The following NFIB variants were observed in gnomAD, a reference collection of about 807,000 sequenced individuals.
The protein encoded by NFIB is nuclear factor 1 B-type.
In NFIB, 11 loss-of-function variants were observed where a neutral mutation model predicts 61.5. The observed-to-expected ratio is 0.18, with a 90% CI of 0.11 to 0.30. The LOEUF (loss-of-function observed/expected upper bound fraction) is 0.30. Among genes scored for constraint, NFIB ranks in the 10% least tolerant of loss-of-function variants. The pLI is 1.00. For synonymous variants in NFIB, 260 were observed against 216.5 expected (o/e 1.20, Z -1.76); for missense variants, 471 against 608.9 (o/e 0.77, Z 2.38).
At chr9:14,494,760 C>T in the NFIB span, among the ~76,000 whole-genome samples, 3 of 152,292 alleles carry the variant, frequency 2.0e-5, no homozygotes, top group South Asian at 4.1e-4. Context: ...AGAACAGGCA[C>T]TCCCCTTGCT....
intron 2 of NFIB, among the ~76,000 whole-genome samples, chr9:14,240,712 G>A (rs746952018): frequency 2.0e-5 from 3 of 152,134 alleles, no homozygotes; most frequent in Non-Finnish European, 2.9e-5. Flanking sequence ...ACATGATACC[G>A]TCTGCGTTGT....
intron 1 of NFIB, among the ~76,000 whole-genome samples, chr9:14,351,140 G>A (rs1303248249): frequency 6.6e-6 from 1 of 152,218 alleles, no homozygotes; most frequent in Non-Finnish European, 1.5e-5. Flanking sequence ...TGCTAAGCAG[G>A]GAGAGGATCA....
At chr9:14,445,842 C>G in the NFIB span, among the ~76,000 whole-genome samples, 2 of 152,104 alleles carry the variant, frequency 1.3e-5, no homozygotes. Context: ...ACTTTTCATT[C>G]TCTTCTTTTC....
At chr9:14,492,982 C>T in the NFIB span, among the ~76,000 whole-genome samples, 2 of 152,176 alleles carry the variant, frequency 1.3e-5, no homozygotes, top group Non-Finnish European at 2.9e-5. Flanking sequence ...GAATAAGCCT[C>T]ACTGGGTTTT....
Position 14,088,139 on chromosome 9 carries a change from T to C in NFIB, c.*170A>G. On this transcript the variant is annotated 3_prime_UTR_variant, in exon 11 of 11. Coordinates refer to ENST00000380953, the MANE Select transcript of NFIB (RefSeq NM_001190737.2). Reference sequence around the variant, plus strand: ...GTTGTTTTGTCCAGTCTTCCTCTTTTCCTTTTTTTTTATTTAAAAAAAAAA... The same window carrying C: ...GTTGTTTTGTCCAGTCTTCCTCTTTCCCTTTTTTTTTATTTAAAAAAAAAA... 2 of 1,384,970 alleles carry C rather than the reference T, an allele frequency of 1.4e-6. No individual in the cohort carries two copies. The highest frequency in any genetic ancestry group is 1.9e-6 in the Non-Finnish European group (2 of 1,051,262). The allele number at this position is 1,384,970 out of a possible 1,614,324, so 85.8% of individuals were successfully genotyped here.
At chr9:14,403,968 T>TA (rs200481714), upstream of NFIB, among the ~76,000 whole-genome samples, 1,127 of 152,188 alleles carry the variant, frequency 7.4e-3, 11 homozygotes, top group African/African-American at 0.026. Context: ...TCTCTTTGGA[T>TA]AAAAAAAATT....
chr9:14,321,680 T>A (rs535800590), intron 1 of NFIB, among the ~76,000 whole-genome samples: 3 of 152,302 alleles, frequency 2.0e-5, no homozygotes, highest in African/African-American at 7.2e-5. Flanking sequence ...ACCACAATGT[T>A]ACTCACTGAT....
intron 2 of NFIB, among the ~76,000 whole-genome samples, chr9:14,196,445 G>A (rs1563889461): frequency 6.6e-6 from 1 of 152,060 alleles, no homozygotes; most frequent in Non-Finnish European, 1.5e-5. Context: ...TTGCGGAAGG[G>A]GGTTCCTGTT....
At chr9:14,270,579 C>CAAAAAAA (rs147823074) in intron 2 of NFIB, among the ~76,000 whole-genome samples, 5 of 54,404 alleles carry the variant, frequency 9.2e-5, no homozygotes, top group East Asian at 7.5e-4. Flanking sequence ...CCTTAGATCA[C>CAAAAAAA]AAAAAAAAAA....
the NFIB span, among the ~76,000 whole-genome samples, chr9:14,511,998 T>C: frequency 1.3e-5 from 2 of 152,204 alleles, no homozygotes; most frequent in Non-Finnish European, 2.9e-5. Context: ...TATTTAGGTA[T>C]AAAGAACAGA....
chr9:14,388,695 A>C (rs968413450), intron 1 of NFIB, among the ~76,000 whole-genome samples: 2 of 152,292 alleles, frequency 1.3e-5, no homozygotes, highest in African/African-American at 2.4e-5. Flanking sequence ...GAAACGGAGG[A>C]GAGGCAGTGG....
chr9:14,120,337 T>C lies in NFIB; in HGVS notation c.1245+103A>G. 7.9e-7 allele frequency: 1 copy of C among 1,269,660 alleles called. No individual in the cohort carries two copies. The highest frequency in any genetic ancestry group is 1.1e-6 in the Non-Finnish European group (1 of 876,834). The allele number at this position is 1,269,660 out of a possible 1,614,324, so 78.6% of individuals were successfully genotyped here. The stretch of plus-strand genomic sequence containing the variant: ...ACTTCCTGAAGATGGATTTCAAGGC[T>C]TGACGTTCTGCCAGACACACTGTCT... On this transcript the variant is annotated intron_variant, in intron 8 of 10. Coordinates refer to ENST00000380953, the MANE Select transcript of NFIB (RefSeq NM_001190737.2). The surrounding 1 kb of genome is among the most constrained non-coding windows in gnomAD (Gnocchi z 4.4).
rs903894665 is a variant in NFIB, at chr9:14,087,450, T to C, written c.*859A>G. On this transcript the variant is annotated 3_prime_UTR_variant, in exon 11 of 11. Coordinates refer to ENST00000380953, the MANE Select transcript of NFIB (RefSeq NM_001190737.2). ...AAATTGCACTTGCCTCTGTTAAGTG[T>C]TTCTTTTGTGGGGAAAATATTATAT... The C allele has an allele frequency of 4.6e-6, 1 of 219,488 alleles. No individual in the cohort carries two copies. Among genetic ancestry groups the C allele is most frequent in the Admixed American group, 5.8e-5 (1 of 17,294 alleles). 13.6% of individuals were successfully genotyped at this position (219,488 alleles called of 1,614,324 possible).
intron 2 of NFIB, among the ~76,000 whole-genome samples, chr9:14,189,831 G>GTCATAGCAGTTAAA (rs2047752582): frequency 6.6e-6 from 1 of 150,820 alleles, no homozygotes; most frequent in South Asian, 2.1e-4. Context: ...ACAAGATGAT[G>GTCATAGCAGTTAAA]ACTGGTAGCA....
At chr9:14,122,817 A>C (rs1175494970) in intron 7 of NFIB, among the ~76,000 whole-genome samples, 3 of 152,198 alleles carry the variant, frequency 2.0e-5, no homozygotes. Context: ...ATCAAACCCG[A>C]ACTCACATCT....
intron 2 of NFIB, among the ~76,000 whole-genome samples, chr9:14,218,416 A>C (rs756704104): frequency 8.5e-5 from 13 of 152,124 alleles, no homozygotes; most frequent in Non-Finnish European, 1.9e-4. Context: ...ACCCACTGGC[A>C]TTCTGTCTAA....
At chr9:14,323,479 A>G (rs947351184) in intron 1 of NFIB, among the ~76,000 whole-genome samples, 1 of 152,234 alleles carries the variant, frequency 6.6e-6, no homozygotes, top group African/African-American at 2.4e-5. Flanking sequence ...AAGTATTAAA[A>G]GTAAAAATAT....
upstream of NFIB, among the ~76,000 whole-genome samples, chr9:14,403,520 C>CCTCCCCTCCT (rs2061762385): frequency 6.6e-6 from 1 of 152,030 alleles, no homozygotes; most frequent in Non-Finnish European, 1.5e-5. Context: ...CCTCCCCTCC[C>CCTCCCCTCCT]CTCCCCTCCT....
At chr9:14,287,784 G>C (rs765724656) in intron 2 of NFIB, among the ~76,000 whole-genome samples, 10 of 152,004 alleles carry the variant, frequency 6.6e-5, no homozygotes, top group Non-Finnish European at 1.3e-4. Context: ...TTCTGGAAGA[G>C]GCATCATTTA....
Sources: allele counts gnomAD v4.1 joint callset (sites outside exome capture counted in the v4.1 genomes callset), GRCh38; gene constraint gnomAD v4.1.1; non-coding constraint Gnocchi (gnomAD v3.1); transcripts MANE v1.5; gene names NCBI Gene and HGNC (gene_info 2026-07-23, HGNC 2026-07-21).